The following PTP4A3 variants were observed in gnomAD, a reference collection of about 807,000 sequenced individuals.
The protein encoded by PTP4A3 is protein tyrosine phosphatase type IVA 3.
PTP4A3 carries 9 observed loss-of-function variants against 15.2 expected under a neutral mutation model. The ratio of observed to expected loss-of-function variants is 0.59; its 90% CI spans 0.36 to 1.03. PTP4A3 has a LOEUF of 1.03. PTP4A3 is among the 50% of genes least tolerant of loss of function. PTP4A3 has a pLI of 0.02. For synonymous variants in PTP4A3, 95 were observed against 102.0 expected (o/e 0.93, Z 0.41); for missense variants, 234 against 252.1 (o/e 0.93, Z 0.49).
chr8:141,409,467 G>A (rs1019205280), intron 1 of PTP4A3, among the ~76,000 whole-genome samples: 1 of 152,202 alleles, frequency 6.6e-6, no homozygotes, highest in Non-Finnish European at 1.5e-5. Flanking sequence ...ATTGTGGCCC[G>A]ACCTCCTGCC....
At position 141,427,900 on chromosome 8, in the gene PTP4A3, C is replaced by T. The variant is rs910470335; in HGVS notation, c.404+76C>T. 4 of 1,376,244 alleles carry T rather than the reference C, an allele frequency of 2.9e-6. No homozygotes were observed. The African/African-American group carries it at 5.8e-5, about 20-fold the overall frequency. 85.3% of individuals were successfully genotyped at this position (1,376,244 alleles called of 1,614,324 possible). A position where few individuals can be genotyped will look rare whatever the true frequency, so the allele number is the denominator to read the frequency against. ...TCCGGCTGCCCACGAAGGGTGGCGG[C>T]ATTGGCTGTGTGGTTCCGTCGCTCT... On this transcript the variant is annotated intron_variant, in intron 5 of 5. Transcript: ENST00000521578.
chr8:141,413,045 G>C (rs774094242), intron 1 of PTP4A3, among the ~76,000 whole-genome samples: 29 of 152,244 alleles, frequency 1.9e-4, no homozygotes, highest in Non-Finnish European at 3.5e-4. Flanking sequence ...GGGACCATCA[G>C]GCCATGCGGA....
intron 5 of PTP4A3, among the ~76,000 whole-genome samples, chr8:141,428,931 A>T (rs1307558861): frequency 6.6e-6 from 1 of 152,174 alleles, no homozygotes; most frequent in South Asian, 2.1e-4. Flanking sequence ...GCACTCTCAC[A>T]CATGCGGGTG....
At chr8:141,416,038 G>GT in intron 1 of PTP4A3, among the ~76,000 whole-genome samples, 1 of 152,220 alleles carries the variant, frequency 6.6e-6, no homozygotes, top group Middle Eastern at 3.4e-3. Flanking sequence ...GCTGCAGCAG[G>GT]TGCCTCCCAG....
chr8:141,401,400 G>C (rs1832586431), intron 1 of PTP4A3, among the ~76,000 whole-genome samples: 1 of 152,146 alleles, frequency 6.6e-6, no homozygotes, highest in African/African-American at 2.4e-5. Flanking sequence ...CTGGCCCTGG[G>C]GTAACTTGCC....
chr8:141,431,396 A>C lies in PTP4A3; in HGVS notation c.*352A>C. The C allele has an allele frequency of 7.0e-6, 2 of 285,462 alleles. No individual in the cohort carries two copies. The highest frequency in any genetic ancestry group is 6.5e-6 in the Non-Finnish European group (1 of 152,900). The allele number at this position is 285,462 out of a possible 1,614,324, so 17.7% of individuals were successfully genotyped here. A position where few individuals can be genotyped will look rare whatever the true frequency, so the allele number is the denominator to read the frequency against. ...TTGTGGGGTGGGGGTATATTTTGTA[A>C]CCACTGGGCCCCCAGCCCCTCTTTT... On this transcript the variant is annotated 3_prime_UTR_variant, in exon 6 of 6. Coordinates refer to ENST00000521578, the MANE Select transcript of PTP4A3 (RefSeq NM_032611.3).
At chr8:141,415,960 G>A (rs1180855613) in intron 1 of PTP4A3, among the ~76,000 whole-genome samples, 1 of 151,980 alleles carries the variant, frequency 6.6e-6, no homozygotes, top group Non-Finnish European at 1.5e-5. Context: ...GCCCGCTCTG[G>A]GAGGATTCCA....
At chr8:141,402,068 G>A (rs543384099) in intron 1 of PTP4A3, among the ~76,000 whole-genome samples, 124 of 152,338 alleles carry the variant, frequency 8.1e-4, no homozygotes, top group African/African-American at 2.9e-3. Context: ...GACCTGGGCA[G>A]CAGCTGGGGT....
At chr8:141,417,756 G>A (rs533730632) in intron 1 of PTP4A3, among the ~76,000 whole-genome samples, 2 of 152,054 alleles carry the variant, frequency 1.3e-5, no homozygotes, top group African/African-American at 4.8e-5. Context: ...CCTCTTCCCC[G>A]CGCCCGCCCT....
In PTP4A3 at chr8:141,404,841, TG is replaced by T. The variant is rs915247601; in HGVS notation, c.-854+12762del. 9.2e-5 allele frequency among the ~76,000 whole-genome samples: 14 copies of T among 152,264 alleles called. 1 individual carries two copies. Among genetic ancestry groups the T allele is most frequent in the African/African-American group, 3.4e-4 (14 of 41,564 alleles). Reference sequence around the variant, plus strand: ...CTCCCGCACCTACCTGTCTCCACTGTGGGGGCCACACAGCCTTTACATATAA... The same window carrying T: ...CTCCCGCACCTACCTGTCTCCACTGTGGGGCCACACAGCCTTTACATATAA... On this transcript the variant is annotated intron_variant, in intron 1 of 5. Transcript: ENST00000521578.
intron 2 of PTP4A3, among the ~76,000 whole-genome samples, chr8:141,423,217 G>A (rs1833414481): frequency 6.6e-6 from 1 of 152,224 alleles, no homozygotes; most frequent in South Asian, 2.1e-4. Flanking sequence ...GAGGCATTGG[G>A]CACCTTGCCA....
chr8:141,425,903 C>G lies in PTP4A3; in HGVS notation c.198+763C>G, dbSNP rs1045228013. Among the ~76,000 whole-genome samples, 1 of 152,208 alleles carries G rather than the reference C, an allele frequency of 6.6e-6. No homozygotes were observed. The highest frequency in any genetic ancestry group is 1.5e-5 in the Non-Finnish European group (1 of 68,022). On this transcript the variant is annotated intron_variant, in intron 3 of 5. Transcript: ENST00000521578. The surrounding 1 kb of genome is among the most constrained non-coding windows in gnomAD (Gnocchi z 4.2). ...GGGCTGCGTCCCGCCTCTGCCCTCC[C>G]CAGCCTTGCGACCCTGCAGGTCACT...
chr8:141,400,620 G>A (rs561358614), intron 1 of PTP4A3, among the ~76,000 whole-genome samples: 138 of 152,332 alleles, frequency 9.1e-4, no homozygotes, highest in Non-Finnish European at 1.7e-3. Flanking sequence ...TGTGCGTCTC[G>A]GCACCGGGGT....
Position 141,430,993 on chromosome 8 carries a change from G to A in PTP4A3, c.471G>A (p.Arg157=), listed in dbSNP as rs1342047662. The A allele has an allele frequency of 2.5e-6, 4 of 1,613,348 alleles. No homozygotes were observed. The highest frequency in any genetic ancestry group is 1.3e-5 in the African/African-American group (1 of 75,070). Reference sequence around the variant, plus strand: ...TGGAGAAATACCGGCCCAAACAGAGGCTGCGGTTCAAAGACCCACACACGC... The same window carrying A: ...TGGAGAAATACCGGCCCAAACAGAGACTGCGGTTCAAAGACCCACACACGC... ...TYLEKYRPKQ[R]LRFKDPHTHK... The change falls in exon 6 of 6, where the codon AGG becomes AGA. Residue 157 remains arginine, a synonymous_variant. Coordinates refer to ENST00000521578, the MANE Select transcript of PTP4A3 (RefSeq NM_032611.3).
At position 141,425,450 on chromosome 8, in the gene PTP4A3, G is replaced by C. The variant is rs13275304; in HGVS notation, c.198+310G>C. The stretch of plus-strand genomic sequence containing the variant: ...CGGGTGGGCTCCTCTGCCTGTCTCA[G>C]GCCCTCCTCTGGGCCTGTCTTGGGT... On this transcript the variant is annotated intron_variant, in intron 3 of 5. Coordinates refer to ENST00000521578, the MANE Select transcript of PTP4A3 (RefSeq NM_032611.3). This position sits in a 1 kb window ranked among gnomAD's most constrained non-coding sequence, Gnocchi z 4.2. Among the ~76,000 whole-genome samples the C allele has an allele frequency of 0.4, 61,388 of 152,058 alleles. 13,467 individuals are homozygous for C. Among genetic ancestry groups the C allele is most frequent in the Non-Finnish European group, 0.49 (33,420 of 67,910 alleles).
intron 2 of PTP4A3, 90 bp from the exon 3 acceptor site, chr8:141,424,958 C>G: frequency 9.1e-7 from 1 of 1,093,802 alleles, no homozygotes; most frequent in East Asian, 2.5e-5. Context: ...GGGGACACAG[C>G]TGTGCCCTGG....
chr8:141,423,311 C>G (rs572206631), intron 2 of PTP4A3, among the ~76,000 whole-genome samples: 1 of 152,200 alleles, frequency 6.6e-6, no homozygotes, highest in Non-Finnish European at 1.5e-5. Context: ...CCTGAGATAA[C>G]AGCAGCATCT....
At chr8:141,422,902 G>A (rs1307948216) in intron 2 of PTP4A3, among the ~76,000 whole-genome samples, 5 of 152,266 alleles carry the variant, frequency 3.3e-5, no homozygotes, top group African/African-American at 1.2e-4. Context: ...GATGGGACGA[G>A]ATGCGTTTAC....
chr8:141,430,736 C>A (rs1833831390), intron 5 of PTP4A3, among the ~76,000 whole-genome samples, 191 bp from the exon 6 acceptor site: 1 of 152,124 alleles, frequency 6.6e-6, no homozygotes, highest in African/African-American at 2.4e-5. Flanking sequence ...CAGGGGTGAG[C>A]TGCAGGGGGC....
Sources: gnomAD v4.1 joint callset for allele counts (sites outside exome capture counted in the v4.1 genomes callset) on GRCh38, gnomAD v4.1.1 for gene constraint, Gnocchi (gnomAD v3.1) non-coding constraint, MANE v1.5 for transcripts, NCBI Gene and HGNC (gene_info 2026-07-23, HGNC 2026-07-21) for gene names.